EMC8: variants seen among roughly 807,000 people sequenced by gnomAD.
EMC8 encodes ER membrane protein complex subunit 8.
In EMC8, 11 loss-of-function variants were observed where a neutral mutation model predicts 24.3. That is an observed-to-expected ratio of 0.45 (90% CI 0.28 to 0.75). The LOEUF is 0.75. EMC8 is among the 30% of genes least tolerant of loss of function. The pLI is 0.12. For missense variants in EMC8, 277 were observed against 282.7 expected (o/e 0.98, Z 0.14); for synonymous variants, 145 against 117.7 (o/e 1.23, Z -1.50).
At chr16:85,797,704 T>A (rs1168920286) in intron 1 of EMC8, among the ~76,000 whole-genome samples, 1 of 152,210 alleles carries the variant, frequency 6.6e-6, no homozygotes, top group African/African-American at 2.4e-5. Context: ...AATGGTAGAT[T>A]ATGAAATGGC....
intron 2 of EMC8, 56 bp downstream of exon 2, chr16:85,788,918 G>A (rs1567830327): frequency 4.8e-6 from 6 of 1,239,572 alleles, no homozygotes; most frequent in South Asian, 1.2e-5. Context: ...CGAGAGACGG[G>A]GTCTGCCCAA....
At chr16:85,781,175 CA>C in intron 3 of EMC8, 35 bp downstream of exon 3, 1 of 1,545,980 alleles carries the variant, frequency 6.5e-7, no homozygotes, top group Non-Finnish European at 8.9e-7. Context: ...AGAGGAGGCG[CA>C]AGGGCCTCCC....
At chr16:85,798,280 C>A (rs1050137435) in intron 1 of EMC8, among the ~76,000 whole-genome samples, 1 of 151,952 alleles carries the variant, frequency 6.6e-6, no homozygotes, top group Non-Finnish European at 1.5e-5. Flanking sequence ...CGCCACCACG[C>A]CCGGCTAAGT....
At chr16:85,785,559 G>C (rs1904716195) in intron 2 of EMC8, among the ~76,000 whole-genome samples, 1 of 152,172 alleles carries the variant, frequency 6.6e-6, no homozygotes. Flanking sequence ...GACAGAGTGA[G>C]ACTCTGTCTG....
intron 1 of EMC8, among the ~76,000 whole-genome samples, chr16:85,794,004 T>G (rs763659797): frequency 1.3e-5 from 2 of 152,228 alleles, no homozygotes; most frequent in African/African-American, 2.4e-5. Context: ...TCTAATGTTG[T>G]CCTTTGATAG....
intron 1 of EMC8, chr16:85,792,789 C>G (rs1441464530): frequency 6.6e-6 from 1 of 152,204 alleles, no homozygotes; most frequent in Non-Finnish European, 1.5e-5. Context: ...CGAAGCGAGG[C>G]AAGACAAGGC....
Position 85,779,818 on chromosome 16 carries a change from G to T in EMC8, c.523C>A (p.Leu175Met). Residue 175 changes from leucine to methionine, a missense_variant, in exon 5 of 5, where the codon CTG becomes ATG. Transcript: ENST00000253457. The part of the protein sequence containing the change: ...PEAQRISASL[L>M]DSRSYETLVD... ...AGCGTCTCGTAGGACCGGCTGTCCAGGAGCGAGGCTGAGATCCTCTGTGCC... is the reference window on the plus strand; with the variant it reads ...AGCGTCTCGTAGGACCGGCTGTCCATGAGCGAGGCTGAGATCCTCTGTGCC... 2 of 1,614,156 alleles carry T rather than the reference G, an allele frequency of 1.2e-6. No individual in the cohort carries two copies. Among genetic ancestry groups the T allele is most frequent in the Non-Finnish European group, 1.7e-6 (2 of 1,180,016 alleles).
At chr16:85,785,767 C>T (rs437786) in intron 2 of EMC8, among the ~76,000 whole-genome samples, 93,840 of 151,998 alleles carry the variant, frequency 0.62, 32,838 homozygotes, top group Non-Finnish European at 0.8. Flanking sequence ...CAGCTGCCAA[C>T]TGAAACTGCA....
chr16:85,794,829 T>C (rs370989516), intron 1 of EMC8, among the ~76,000 whole-genome samples: 6 of 152,264 alleles, frequency 3.9e-5, no homozygotes, highest in East Asian at 3.9e-4. Flanking sequence ...TGCTGGAGGC[T>C]GGATGTCTAC....
At chr16:85,794,688 C>T (rs369630096) in intron 1 of EMC8, among the ~76,000 whole-genome samples, 5 of 152,244 alleles carry the variant, frequency 3.3e-5, no homozygotes, top group South Asian at 4.1e-4. Flanking sequence ...GACTCCATCT[C>T]GGAAAAGTCA....
chr16:85,787,267 C>A (rs925140266), intron 2 of EMC8, among the ~76,000 whole-genome samples: 2 of 152,190 alleles, frequency 1.3e-5, no homozygotes, highest in African/African-American at 4.8e-5. Flanking sequence ...CACGTCTGCA[C>A]TTGACAAGGC....
At chr16:85,788,869 T>A in intron 2 of EMC8, 105 bp downstream of exon 2, 1 of 790,874 alleles carries the variant, frequency 1.3e-6, no homozygotes. Context: ...AGGGAAGGGG[T>A]GTAGGTCTCA....
chr16:85,798,968 G>C (rs1403304210), intron 1 of EMC8, 97 bp downstream of exon 1: 2 of 845,768 alleles, frequency 2.4e-6, no homozygotes, highest in Non-Finnish European at 3.6e-6. Context: ...CGGGTCCTAG[G>C]AGCCTGCTGG....
At chr16:85,795,343 A>G (rs528208279) in intron 1 of EMC8, among the ~76,000 whole-genome samples, 1 of 152,266 alleles carries the variant, frequency 6.6e-6, no homozygotes, top group East Asian at 1.9e-4. Flanking sequence ...CACTCAACCC[A>G]TAAAAGCCAG....
chr16:85,781,427 C>T lies in EMC8; in HGVS notation c.309-147G>A, dbSNP rs1246069261. The T allele has an allele frequency of 4.8e-6, 3 of 622,996 alleles. No individual in the cohort carries two copies. In the East Asian group the frequency reaches 8.6e-5, roughly 18 times the overall value. The allele number at this position is 622,996 out of a possible 1,614,324, so 38.6% of individuals were successfully genotyped here. A position where few individuals can be genotyped will look rare whatever the true frequency, so the allele number is the denominator to read the frequency against. ...TGCACGTGCTCGCTTCGCTGGTTTACTTATTATTTAATTTTTTGGTAGAGA... is the reference window on the plus strand; with the variant it reads ...TGCACGTGCTCGCTTCGCTGGTTTATTTATTATTTAATTTTTTGGTAGAGA... On this transcript the variant is annotated intron_variant, in intron 2 of 4. Transcript: ENST00000253457.
chr16:85,784,445 T>C (rs1265728251), intron 2 of EMC8: 2 of 152,254 alleles, frequency 1.3e-5, no homozygotes, highest in African/African-American at 2.4e-5. Context: ...TATATGATTA[T>C]TGTATTTTCG....
At chr16:85,788,545 G>C (rs1230778152) in intron 2 of EMC8, among the ~76,000 whole-genome samples, 2 of 152,226 alleles carry the variant, frequency 1.3e-5, no homozygotes, top group East Asian at 1.9e-4. Flanking sequence ...CAGTATAAAG[G>C]GGGCAGCAAA....
intron 1 of EMC8, among the ~76,000 whole-genome samples, chr16:85,791,225 CATT>C (rs1904997430): frequency 6.6e-6 from 1 of 152,054 alleles, no homozygotes; most frequent in Admixed American, 6.6e-5. Context: ...TTAATGCATA[CATT>C]TTTTGGATTT....
rs891928499 is a variant in EMC8 at position 85,779,000 on chromosome 16, G to C, written c.*708C>G. Reference sequence around the variant, plus strand: ...ATCATTTCCCTTTCCTGGCCCTGCAGGCACGTGAGCTTTCTGCGTGGCTGA... The same window carrying C: ...ATCATTTCCCTTTCCTGGCCCTGCACGCACGTGAGCTTTCTGCGTGGCTGA... On this transcript the variant is annotated 3_prime_UTR_variant, in exon 5 of 5. Transcript: ENST00000253457. 1 of 152,232 alleles carries C rather than the reference G, an allele frequency of 6.6e-6. No individual in the cohort carries two copies. The highest frequency in any genetic ancestry group is 2.4e-5 in the African/African-American group (1 of 41,456). The allele number at this position is 152,232 out of a possible 1,614,324, so 9.4% of individuals were successfully genotyped here. A position where few individuals can be genotyped will look rare whatever the true frequency, so the allele number is the denominator to read the frequency against.
Sources: allele counts gnomAD v4.1 joint callset (sites outside exome capture counted in the v4.1 genomes callset), GRCh38; gene constraint gnomAD v4.1.1; transcripts MANE v1.5; gene names NCBI Gene and HGNC (gene_info 2026-07-23, HGNC 2026-07-21).